NCK1: variants seen among roughly 807,000 people sequenced by gnomAD.
NCK1 encodes the protein NCK adaptor protein 1.
A neutral mutation model predicts 36.6 loss-of-function variants in NCK1; 19 were observed. The observed-to-expected ratio is 0.52, with a 90% CI of 0.36 to 0.76. NCK1 has a LOEUF of 0.76. Ranked by LOEUF, NCK1 falls within the 30% of genes least tolerant of loss-of-function variation. NCK1 has a pLI of 0.00. For synonymous variants in NCK1, 165 were observed against 156.0 expected (o/e 1.06, Z -0.43); for missense variants, 358 against 445.6 (o/e 0.80, Z 1.77).
chr3:136,895,461 A>G (rs1367840430), intron 1 of NCK1, among the ~76,000 whole-genome samples: 1 of 152,138 alleles, frequency 6.6e-6, no homozygotes, highest in African/African-American at 2.4e-5. Context: ...CTTTTTAAAA[A>G]AAAGGTTTGT....
At chr3:136,863,252 A>G (rs1209136008) in intron 1 of NCK1, among the ~76,000 whole-genome samples, 3 of 152,162 alleles carry the variant, frequency 2.0e-5, no homozygotes, top group East Asian at 1.9e-4. Flanking sequence ...AAGCAGCTCA[A>G]TGTCCTCCCA....
chr3:136,889,988 C>T (rs537092054), intron 1 of NCK1, among the ~76,000 whole-genome samples: 6 of 152,336 alleles, frequency 3.9e-5, no homozygotes, highest in East Asian at 1.9e-4. Flanking sequence ...GCCAGTCCTG[C>T]GCTGTGTGCC....
chr3:136,934,686 G>A (rs1249687877), intron 2 of NCK1, among the ~76,000 whole-genome samples: 1 of 152,148 alleles, frequency 6.6e-6, no homozygotes, highest in Non-Finnish European at 1.5e-5. Flanking sequence ...CAAGGGGGAA[G>A]CATTTGGTTT....
intron 2 of NCK1, among the ~76,000 whole-genome samples, chr3:136,937,803 TTTTTA>T: frequency 6.6e-6 from 1 of 152,262 alleles, no homozygotes; most frequent in African/African-American, 2.4e-5. Context: ...TTGCTGAATT[TTTTTA>T]TTCTCACTCT....
At position 136,937,571 on chromosome 3, in the gene NCK1, C is replaced by T. The variant is rs143199030; in HGVS notation, c.227-8012C>T. On this transcript the variant is annotated intron_variant, in intron 2 of 3. Coordinates refer to ENST00000481752, the MANE Select transcript of NCK1 (RefSeq NM_001291999.2). ...GGATTGTTTTGGATACTGTTGCCAT[C>T]TTACACAGAATATCTTTCCGTTTAT... Among the ~76,000 whole-genome samples the T allele has an allele frequency of 6.7e-3, 1,014 of 152,290 alleles. 12 individuals are homozygous for T. The highest frequency in any genetic ancestry group is 0.023 in the African/African-American group (972 of 41,572).
chr3:136,930,067 G>A (rs1940352676), intron 2 of NCK1, among the ~76,000 whole-genome samples: 1 of 152,124 alleles, frequency 6.6e-6, no homozygotes, highest in Non-Finnish European at 1.5e-5. Context: ...GTGATCTGTA[G>A]TTAACCTGTA....
intron 1 of NCK1, among the ~76,000 whole-genome samples, chr3:136,926,656 G>A (rs1422603590): frequency 6.6e-6 from 1 of 152,062 alleles, no homozygotes; most frequent in African/African-American, 2.4e-5. Context: ...CACAGAGTTC[G>A]ATGTATAGTT....
At chr3:136,893,820 G>C (rs1374763492) in intron 1 of NCK1, among the ~76,000 whole-genome samples, 1 of 152,178 alleles carries the variant, frequency 6.6e-6, no homozygotes, top group South Asian at 2.1e-4. Context: ...ACTGCAACTG[G>C]TATTGAGGCA....
chr3:136,867,948 G>T (rs112821333), intron 1 of NCK1, among the ~76,000 whole-genome samples: 2 of 150,852 alleles, frequency 1.3e-5, no homozygotes, highest in African/African-American at 4.9e-5. Context: ...ACAGAGTTTC[G>T]CAGTTTTTGC....
At position 136,876,381 on chromosome 3, in the gene NCK1, G is replaced by A. The variant is rs568271829; in HGVS notation, c.-19+14028G>A. On this transcript the variant is annotated intron_variant, in intron 1 of 3. Transcript: ENST00000481752. ...AATCCAGGAGCTGGTTTTTTGAAAG[G>A]ATCAACAAAATTGATAGACCGCTAG... Among the ~76,000 whole-genome samples the A allele has an allele frequency of 5.8e-3, 878 of 152,098 alleles. 6 individuals carry two copies. The highest frequency in any genetic ancestry group is 0.02 in the African/African-American group (845 of 41,466).
chr3:136,930,537 C>G, intron 2 of NCK1: 2 of 1,448,548 alleles, frequency 1.4e-6, no homozygotes, highest in Middle Eastern at 1.8e-4. Flanking sequence ...AACAAACTGA[C>G]AGAACACAGA....
chr3:136,944,074 G>C (rs1940743295), intron 2 of NCK1, among the ~76,000 whole-genome samples: 1 of 147,372 alleles, frequency 6.8e-6, no homozygotes, highest in African/African-American at 2.6e-5. Flanking sequence ...AGTTGGGAGT[G>C]TGAGTGGTGA....
rs1286640780 is a variant in NCK1 at position 136,864,965 on chromosome 3, GT to G, written c.-19+2623del. 4.8e-3 allele frequency among the ~76,000 whole-genome samples: 504 copies of G among 104,428 alleles called. 3 individuals are homozygous for G. The highest frequency in any genetic ancestry group is 0.014 in the African/African-American group (386 of 27,630). The allele number at this position is 104,428 out of a possible 152,430, so 68.5% of individuals were successfully genotyped here. On this transcript the variant is annotated intron_variant, in intron 1 of 3. Coordinates refer to ENST00000481752, the MANE Select transcript of NCK1 (RefSeq NM_001291999.2). ...ATATATTTTTCTTTTTCTTTTGTTT[GT>G]TTTTTTTTTTGAGACGGAGTCTCAC...
chr3:136,907,382 C>T (rs1365917116), intron 1 of NCK1, among the ~76,000 whole-genome samples: 1 of 152,138 alleles, frequency 6.6e-6, no homozygotes, highest in Non-Finnish European at 1.5e-5. Flanking sequence ...AATGAAGGTA[C>T]ACTGTACCTG....
intron 2 of NCK1, among the ~76,000 whole-genome samples, chr3:136,939,839 C>CTT (rs397991172): frequency 0.037 from 2,415 of 65,710 alleles, 40 homozygotes; most frequent in Admixed American, 0.054. Flanking sequence ...TTATTGAGGC[C>CTT]TTTTTTTTTT....
rs929783326 is a variant in NCK1 at position 136,951,186 on chromosome 3, A to C, written c.*2733A>C. On this transcript the variant is annotated 3_prime_UTR_variant, in exon 4 of 4. Transcript: ENST00000481752. ...GGCACTTAAATTATCTCCAGCTGTA[A>C]TGTCCTACCATATAATCCAGAGGTT... Among the ~76,000 whole-genome samples the C allele has an allele frequency of 2.0e-5, 3 of 152,208 alleles. No homozygotes were observed.
At chr3:136,869,606 A>G (rs546483742) in intron 1 of NCK1, among the ~76,000 whole-genome samples, 2 of 152,270 alleles carry the variant, frequency 1.3e-5, no homozygotes, top group East Asian at 1.9e-4. Flanking sequence ...GTGCTTTTAT[A>G]TGTTTGTTCT....
intron 1 of NCK1, among the ~76,000 whole-genome samples, chr3:136,907,858 C>CT (rs1939726600): frequency 6.6e-6 from 1 of 152,158 alleles, no homozygotes; most frequent in East Asian, 1.9e-4. Flanking sequence ...GTCCTCAGTG[C>CT]TACAGGTATT....
At chr3:136,883,204 A>T (rs1476959090) in intron 1 of NCK1, among the ~76,000 whole-genome samples, 1 of 152,182 alleles carries the variant, frequency 6.6e-6, no homozygotes, top group Admixed American at 6.5e-5. Flanking sequence ...TACAGGCATG[A>T]GCCCCCATGC....
Sources: allele counts gnomAD v4.1 joint callset (sites outside exome capture counted in the v4.1 genomes callset), GRCh38; gene constraint gnomAD v4.1.1; transcripts MANE v1.5; gene names NCBI Gene and HGNC (gene_info 2026-07-23, HGNC 2026-07-21).